Variants in COL21A1 observed in about 807,000 individuals in gnomAD.
COL21A1 encodes collagen alpha-1(XXI) chain.
Under a neutral mutation model 137.9 loss-of-function variants are expected in COL21A1, and 149 were observed. The observed-to-expected ratio is 1.08, with a 90% CI of 0.95 to 1.24. The LOEUF (loss-of-function observed/expected upper bound fraction) is 1.24. Among genes scored for constraint, COL21A1 ranks in the 50% most tolerant of loss-of-function variants. The pLI is 0.00. For synonymous variants in COL21A1, 456 were observed against 391.5 expected (o/e 1.16, Z -1.95); for missense variants, 1,167 against 1,158.4 (o/e 1.01, Z -0.11).
At chr6:56,138,571 G>A (rs1774174838) in intron 12 of COL21A1, among the ~76,000 whole-genome samples, 2 of 151,986 alleles carry the variant, frequency 1.3e-5, no homozygotes, top group Non-Finnish European at 2.9e-5. Flanking sequence ...TCCCAAGAAG[G>A]AGGGAATAGT....
At chr6:56,291,346 T>C (rs1191600569) in intron 1 of COL21A1, among the ~76,000 whole-genome samples, 2 of 152,142 alleles carry the variant, frequency 1.3e-5, no homozygotes, top group Non-Finnish European at 2.9e-5. Context: ...AAGTTCATTT[T>C]GAGAGCACTG....
At chr6:56,215,367 T>C (rs971828814) in intron 1 of COL21A1, among the ~76,000 whole-genome samples, 1 of 152,072 alleles carries the variant, frequency 6.6e-6, no homozygotes, top group Non-Finnish European at 1.5e-5. Context: ...TGGACACCCT[T>C]CTGACTCCAG....
chr6:56,369,350 CCCATCAAAAA>C (rs1275826864), intron 1 of COL21A1, among the ~76,000 whole-genome samples: 1 of 151,130 alleles, frequency 6.6e-6, no homozygotes, highest in Non-Finnish European at 1.5e-5. Flanking sequence ...AAACGCAGGA[CCCATCAAAAA>C]CCATCCTACA....
intron 1 of COL21A1, among the ~76,000 whole-genome samples, chr6:56,221,667 T>C (rs1408702481): frequency 1.3e-5 from 2 of 152,192 alleles, no homozygotes; most frequent in East Asian, 3.9e-4. Context: ...CAGGCTGCAG[T>C]GAGCCATGAC....
intron 17 of COL21A1, among the ~76,000 whole-genome samples, chr6:56,080,608 G>A (rs931086268): frequency 2.6e-5 from 4 of 151,696 alleles, no homozygotes; most frequent in Admixed American, 2.6e-4. Flanking sequence ...ACTTATCTAT[G>A]AAATTGGACC....
intron 1 of COL21A1, among the ~76,000 whole-genome samples, chr6:56,183,918 A>C (rs1190647699): frequency 6.6e-6 from 1 of 152,212 alleles, no homozygotes; most frequent in African/African-American, 2.4e-5. Flanking sequence ...TGGTTTATGC[A>C]ACGGGTTTAC....
At chr6:56,322,576 AAAGT>A (rs1195353771) in intron 1 of COL21A1, among the ~76,000 whole-genome samples, 1 of 152,108 alleles carries the variant, frequency 6.6e-6, no homozygotes. Context: ...GATGTGTTTG[AAAGT>A]AAGTAAAATC....
chr6:56,256,558 G>A (rs546897566), intron 1 of COL21A1, among the ~76,000 whole-genome samples: 15 of 152,156 alleles, frequency 9.9e-5, no homozygotes, highest in East Asian at 7.7e-4. Flanking sequence ...GTGCAGTATC[G>A]AAAGTAAAGC....
chr6:56,302,053 T>G (rs574779513), intron 1 of COL21A1, among the ~76,000 whole-genome samples: 1 of 152,052 alleles, frequency 6.6e-6, no homozygotes, highest in South Asian at 2.1e-4. Flanking sequence ...GCAAAGGACA[T>G]GAACTCATCA....
intron 1 of COL21A1, among the ~76,000 whole-genome samples, chr6:56,233,921 A>T (rs1295187840): frequency 6.6e-6 from 1 of 151,846 alleles, no homozygotes; most frequent in Admixed American, 6.6e-5. Flanking sequence ...AATTGATACC[A>T]ATCAGCCATT....
intron 1 of COL21A1, among the ~76,000 whole-genome samples, chr6:56,275,306 A>G (rs12110798): frequency 0.11 from 16,944 of 152,194 alleles, 1,632 homozygotes; most frequent in African/African-American, 0.26. Flanking sequence ...CCCTTGACAA[A>G]GAATTTTTGG....
chr6:56,290,940 G>A (rs1397527251), intron 1 of COL21A1, among the ~76,000 whole-genome samples: 1 of 151,990 alleles, frequency 6.6e-6, no homozygotes, highest in Non-Finnish European at 1.5e-5. Context: ...GCCAAATATC[G>A]AGAACCACTT....
intron 1 of COL21A1, among the ~76,000 whole-genome samples, chr6:56,295,164 T>C (rs568170356): frequency 1.4e-4 from 21 of 152,132 alleles, no homozygotes; most frequent in African/African-American, 4.8e-4. Context: ...TTTTTACTCA[T>C]GGGTATTCAA....
intron 12 of COL21A1, among the ~76,000 whole-genome samples, chr6:56,128,602 A>C (rs981119636): frequency 2.0e-5 from 3 of 152,192 alleles, no homozygotes; most frequent in Non-Finnish European, 2.9e-5. Flanking sequence ...ACGTAGAGAA[A>C]GAGGAGAAGG....
At position 56,075,548 on chromosome 6, in the gene COL21A1, A is replaced by G. The variant is rs988987531; in HGVS notation, c.1858-16T>C. The G allele has an allele frequency of 1.4e-6, 2 of 1,479,042 alleles. No individual in the cohort carries two copies. The highest frequency in any genetic ancestry group is 1.8e-6 in the Non-Finnish European group (2 of 1,103,108). The allele number at this position is 1,479,042 out of a possible 1,614,324, so 91.6% of individuals were successfully genotyped here. On this transcript the variant is annotated splice_polypyrimidine_tract_variant and intron_variant, in intron 18 of 29. Coordinates refer to ENST00000244728, the MANE Select transcript of COL21A1 (RefSeq NM_030820.4). ...CAATTTCTCCCTAAAAAAATCAAAC[A>G]TTAAAAACATTATAAATTGTAAATT...
chr6:56,161,700 G>A (rs1416393191), intron 9 of COL21A1, among the ~76,000 whole-genome samples: 1 of 152,124 alleles, frequency 6.6e-6, no homozygotes, highest in Non-Finnish European at 1.5e-5. Context: ...TCTTCCAGGA[G>A]ATTACAGTCT....
intron 12 of COL21A1, among the ~76,000 whole-genome samples, chr6:56,131,666 G>C (rs1451013015): frequency 1.3e-5 from 2 of 151,964 alleles, no homozygotes; most frequent in African/African-American, 4.8e-5. Flanking sequence ...ATTAATTTAG[G>C]TCACCCATTA....
At chr6:56,288,694 G>A (rs749237044) in intron 1 of COL21A1, among the ~76,000 whole-genome samples, 8 of 152,156 alleles carry the variant, frequency 5.3e-5, no homozygotes, top group South Asian at 2.1e-4. Context: ...AAGGAAGCCC[G>A]AGGGCCAGCT....
intron 17 of COL21A1, among the ~76,000 whole-genome samples, chr6:56,098,827 T>G (rs998241050): frequency 2.2e-4 from 32 of 145,956 alleles, no homozygotes; most frequent in African/African-American, 8.1e-4. Flanking sequence ...GCGATTCTCC[T>G]GCCTCAGCCT....
Sources: allele counts gnomAD v4.1 joint callset (sites outside exome capture counted in the v4.1 genomes callset), GRCh38; gene constraint gnomAD v4.1.1; transcripts MANE v1.5; gene names NCBI Gene and HGNC (gene_info 2026-07-23, HGNC 2026-07-21).